Variants in EYS observed in about 807,000 individuals in gnomAD.
EYS encodes the protein protein eyes shut homolog.
EYS carries 250 observed loss-of-function variants against 282.1 expected under a neutral mutation model. That is an observed-to-expected ratio of 0.89 (90% CI 0.80 to 0.98). The LOEUF (loss-of-function observed/expected upper bound fraction) is 0.98. EYS is among the 50% of genes least tolerant of loss of function. EYS has a pLI of 0.00. For missense variants in EYS, 4,016 were observed against 3,709.0 expected, an observed-to-expected ratio of 1.08 and a Z score of -2.15; for synonymous variants, 1,355 against 1,282.9, an observed-to-expected ratio of 1.06 and a Z score of -1.20.
chr6:63,845,844 A>C (rs545903578), intron 36 of EYS, among the ~76,000 whole-genome samples: 2 of 152,366 alleles, frequency 1.3e-5, no homozygotes, highest in South Asian at 4.1e-4. Flanking sequence ...TAAGTCCTTT[A>C]ACTTGCAGGA....
At chr6:63,889,159 A>G (rs563529262) in intron 35 of EYS, among the ~76,000 whole-genome samples, 3 of 152,312 alleles carry the variant, frequency 2.0e-5, no homozygotes, top group African/African-American at 4.8e-5. Flanking sequence ...CCAAACCTAC[A>G]TTGATTGGTG....
At chr6:63,904,219 A>C (rs763897223) in intron 35 of EYS, among the ~76,000 whole-genome samples, 2 of 152,178 alleles carry the variant, frequency 1.3e-5, no homozygotes, top group Non-Finnish European at 2.9e-5. Context: ...AAGGATGTGC[A>C]GCTTGTGTTT....
chr6:64,640,505 T>C (rs1335401605), intron 22 of EYS, among the ~76,000 whole-genome samples: 1 of 149,576 alleles, frequency 6.7e-6, no homozygotes, highest in African/African-American at 2.5e-5. Flanking sequence ...CACTCATAGA[T>C]GGGAATCGAA....
chr6:65,435,238 A>G (rs947131918), intron 5 of EYS, among the ~76,000 whole-genome samples: 2 of 152,056 alleles, frequency 1.3e-5, no homozygotes, highest in Non-Finnish European at 2.9e-5. Flanking sequence ...GTGGGACAGT[A>G]GATGAAAGTA....
intron 5 of EYS, among the ~76,000 whole-genome samples, chr6:65,447,388 TTA>T (rs942477034): frequency 2.0e-5 from 3 of 147,234 alleles, no homozygotes; most frequent in Non-Finnish European, 3.0e-5. Flanking sequence ...ATGTATATAA[TTA>T]TATATATAAT....
At chr6:64,255,207 G>A (rs758199170) in intron 30 of EYS, among the ~76,000 whole-genome samples, 20 of 151,958 alleles carry the variant, frequency 1.3e-4, no homozygotes, top group Non-Finnish European at 2.8e-4. Flanking sequence ...TACATTATGA[G>A]TAACAGGTGT....
At chr6:63,963,589 G>T (rs1766178165) in intron 35 of EYS, among the ~76,000 whole-genome samples, 1 of 152,128 alleles carries the variant, frequency 6.6e-6, no homozygotes. Context: ...GGGTCTGGGC[G>T]AGGGGACAGC....
At chr6:64,607,866 G>A (rs940690399) in intron 24 of EYS, among the ~76,000 whole-genome samples, 1 of 151,962 alleles carries the variant, frequency 6.6e-6, no homozygotes, top group African/African-American at 2.4e-5. Flanking sequence ...ATGAATAAGC[G>A]ACCAACATCT....
At chr6:64,187,222 T>G (rs1434269277) in intron 31 of EYS, among the ~76,000 whole-genome samples, 1 of 152,152 alleles carries the variant, frequency 6.6e-6, no homozygotes, top group East Asian at 1.9e-4. Context: ...TTTAAAATTT[T>G]TATTCCTACT....
intron 12 of EYS, among the ~76,000 whole-genome samples, chr6:65,268,748 T>C (rs1767822820): frequency 6.6e-6 from 1 of 152,048 alleles, no homozygotes; most frequent in Admixed American, 6.6e-5. Context: ...GAAAAACTGC[T>C]AGAACTAAAC....
At chr6:64,067,609 T>C (rs965240750) in intron 32 of EYS, among the ~76,000 whole-genome samples, 6 of 152,168 alleles carry the variant, frequency 3.9e-5, no homozygotes, top group African/African-American at 1.4e-4. Flanking sequence ...ATAGTTATAA[T>C]CATTCTATTT....
chr6:64,793,638 T>C (rs761846372), intron 22 of EYS, among the ~76,000 whole-genome samples: 1 of 152,230 alleles, frequency 6.6e-6, no homozygotes, highest in Non-Finnish European at 1.5e-5. Flanking sequence ...TCAAATTCAA[T>C]GGCTTGAGTT....
intron 22 of EYS, among the ~76,000 whole-genome samples, chr6:64,683,114 A>C (rs2149906393): frequency 6.6e-6 from 1 of 152,358 alleles, no homozygotes; most frequent in East Asian, 1.9e-4. Flanking sequence ...CAGAGTTTAG[A>C]GTAGTAATCC....
chr6:64,934,922 T>A (rs1768855219), intron 15 of EYS, among the ~76,000 whole-genome samples: 1 of 151,806 alleles, frequency 6.6e-6, no homozygotes, highest in African/African-American at 2.4e-5. Flanking sequence ...ATTTAAAAGA[T>A]GGAGCATAAA....
intron 1 of EYS, among the ~76,000 whole-genome samples, chr6:65,703,381 T>A (rs12173774): frequency 6.6e-6 from 1 of 152,074 alleles, no homozygotes; most frequent in Non-Finnish European, 1.5e-5. Context: ...ATTCTTTTTT[T>A]ATAAATTTAA....
chr6:65,436,264 A>G (rs1249294952), intron 5 of EYS, among the ~76,000 whole-genome samples: 1 of 152,146 alleles, frequency 6.6e-6, no homozygotes, highest in East Asian at 1.9e-4. Flanking sequence ...ATTTGGAATG[A>G]AAGGGAAATC....
chr6:64,776,078 T>A (rs1773668315), intron 22 of EYS, among the ~76,000 whole-genome samples: 2 of 152,096 alleles, frequency 1.3e-5, no homozygotes, highest in Admixed American at 6.6e-5. Context: ...AACGGGCTGC[T>A]GAAAAACTAA....
At chr6:64,354,665 C>A (rs1188131922) in intron 29 of EYS, among the ~76,000 whole-genome samples, 1 of 151,472 alleles carries the variant, frequency 6.6e-6, no homozygotes, top group African/African-American at 2.4e-5. Context: ...ATTGTCTCTG[C>A]ATACTATGTA....
Position 63,781,611 on chromosome 6 carries a change from CTT to C in EYS, c.7724-3433_7724-3432del, listed in dbSNP as rs376575790. Among the ~76,000 whole-genome samples, 229 of 152,292 alleles carry C rather than the reference CTT, an allele frequency of 1.5e-3. 3 individuals carry two copies. In the East Asian group the frequency reaches 0.04, roughly 26 times the overall value. Reference sequence around the variant, plus strand: ...TGCACATTAATTTTGTATCCTGAGACTTTGCTGAAGTTGCTTATCAGCTTAAG... The same window carrying C: ...TGCACATTAATTTTGTATCCTGAGACTGCTGAAGTTGCTTATCAGCTTAAG... On this transcript the variant is annotated intron_variant, in intron 39 of 42. Coordinates refer to ENST00000503581, the MANE Select transcript of EYS (RefSeq NM_001142800.2).
Sources: allele counts gnomAD v4.1 joint callset (sites outside exome capture counted in the v4.1 genomes callset), GRCh38; gene constraint gnomAD v4.1.1; transcripts MANE v1.5; gene names NCBI Gene and HGNC (gene_info 2026-07-23, HGNC 2026-07-21).